The following SNTG2 variants were observed in gnomAD, a reference collection of about 807,000 sequenced individuals.
SNTG2 encodes gamma-2-syntrophin.
Under a neutral mutation model 70.9 loss-of-function variants are expected in SNTG2, and 74 were observed. The ratio of observed to expected loss-of-function variants is 1.04; its 90% CI spans 0.86 to 1.27. The LOEUF is 1.27. Among genes scored for constraint, SNTG2 ranks in the 50% most tolerant of loss-of-function variants. The probability of loss-of-function intolerance (pLI) is 0.00; values close to 1 mark genes in which losing one functional copy is unlikely to be tolerated. For synonymous variants in SNTG2, 278 were observed against 273.8 expected, an observed-to-expected ratio of 1.02 and a Z score of -0.15; for missense variants, 717 against 690.7, an observed-to-expected ratio of 1.04 and a Z score of -0.43.
At chr2:1,168,355 G>A (rs983667016) in intron 7 of SNTG2, among the ~76,000 whole-genome samples, 8 of 152,224 alleles carry the variant, frequency 5.3e-5, no homozygotes, top group Non-Finnish European at 8.8e-5. Flanking sequence ...GAGCGCCCTG[G>A]AACACACTCC....
At chr2:981,906 C>T (rs1373920834) in intron 1 of SNTG2, among the ~76,000 whole-genome samples, 2 of 152,236 alleles carry the variant, frequency 1.3e-5, no homozygotes, top group Non-Finnish European at 2.9e-5. Context: ...TGTGCACACA[C>T]ATGCCCCACA....
chr2:980,387 C>T (rs1213000212), intron 1 of SNTG2, among the ~76,000 whole-genome samples: 2 of 152,170 alleles, frequency 1.3e-5, no homozygotes, highest in African/African-American at 4.8e-5. Flanking sequence ...GATTCTGTTT[C>T]CTATGGATCT....
rs943252887 is a variant in SNTG2 at position 1,261,956 on chromosome 2, G to A, written c.1077+2515G>A. On this transcript the variant is annotated intron_variant, in intron 13 of 16. Transcript: ENST00000308624. ...CACGTGCTAGAAGCAGTGGTGTTCC[G>A]GGAGCCTGTCGCGAGTGGCCGTTAA... Among the ~76,000 whole-genome samples the A allele has an allele frequency of 3.9e-5, 6 of 152,208 alleles. No homozygotes were observed. The South Asian group carries it at 6.2e-4, about 16-fold the overall frequency.
intron 1 of SNTG2, among the ~76,000 whole-genome samples, chr2:951,449 C>G (rs1659959628): frequency 6.6e-6 from 1 of 152,134 alleles, no homozygotes; most frequent in Admixed American, 6.5e-5. Context: ...GGCGGTGGCT[C>G]GGACCGGAGC....
chr2:1,353,771 C>G lies in SNTG2; in HGVS notation c.1489-13572C>G, dbSNP rs1036866819. ...CAGTCATCTCACAGACACTTTGTGACAAATGTCCAGCAGTTTGTGCACTGA... is the reference window on the plus strand; with the variant it reads ...CAGTCATCTCACAGACACTTTGTGAGAAATGTCCAGCAGTTTGTGCACTGA... On this transcript the variant is annotated intron_variant, in intron 16 of 16. Transcript: ENST00000308624. The surrounding 1 kb of genome is among the most constrained non-coding windows in gnomAD (Gnocchi z 4.2). The G allele has an allele frequency of 3.9e-5, 6 of 152,188 alleles. No homozygotes were observed. The highest frequency in any genetic ancestry group is 1.4e-4 in the African/African-American group (6 of 41,438). The allele number at this position is 152,188 out of a possible 1,614,324, so 9.4% of individuals were successfully genotyped here. A position where few individuals can be genotyped will look rare whatever the true frequency, so the allele number is the denominator to read the frequency against.
At chr2:1,078,181 G>A (rs1664050907) in intron 1 of SNTG2, among the ~76,000 whole-genome samples, 2 of 152,168 alleles carry the variant, frequency 1.3e-5, no homozygotes, top group East Asian at 1.9e-4. Flanking sequence ...TGTGCCCCTC[G>A]GATATGCCAG....
At chr2:1,143,306 A>C (rs1225916595) in intron 6 of SNTG2, among the ~76,000 whole-genome samples, 10 of 152,150 alleles carry the variant, frequency 6.6e-5, no homozygotes, top group African/African-American at 2.4e-4. Context: ...CATTTCAGGG[A>C]AATCCTGAAG....
chr2:1,323,729 C>A (rs141667135), intron 16 of SNTG2, among the ~76,000 whole-genome samples: 1 of 148,820 alleles, frequency 6.7e-6, no homozygotes, highest in Non-Finnish European at 1.5e-5. Context: ...GCTGAGACCT[C>A]CCCCCACCCA....
At chr2:1,218,176 T>C (rs1459701612) in intron 9 of SNTG2, among the ~76,000 whole-genome samples, 1 of 152,112 alleles carries the variant, frequency 6.6e-6, no homozygotes, top group Non-Finnish European at 1.5e-5. Context: ...CTCCAATCTA[T>C]GACTTCCTTC....
intron 4 of SNTG2, among the ~76,000 whole-genome samples, chr2:1,099,832 G>A (rs2148216982): frequency 6.6e-6 from 1 of 152,362 alleles, no homozygotes; most frequent in South Asian, 2.1e-4. Flanking sequence ...GCGTTGCCAT[G>A]AAATTTGCAT....
At chr2:1,158,019 T>C (rs779143069) in intron 6 of SNTG2, among the ~76,000 whole-genome samples, 4 of 152,200 alleles carry the variant, frequency 2.6e-5, no homozygotes, top group South Asian at 4.1e-4. Context: ...CGGGGCATCC[T>C]GTAGACATGC....
intron 14 of SNTG2, among the ~76,000 whole-genome samples, chr2:1,285,309 C>T (rs1049901795): frequency 2.6e-5 from 4 of 152,146 alleles, no homozygotes; most frequent in Non-Finnish European, 5.9e-5. Flanking sequence ...CATTCAGGAT[C>T]AATATTTTGC....
intron 1 of SNTG2, among the ~76,000 whole-genome samples, chr2:1,031,947 A>G (rs1285642123): frequency 6.6e-6 from 1 of 152,170 alleles, no homozygotes; most frequent in Non-Finnish European, 1.5e-5. Flanking sequence ...AAATGTTCTA[A>G]AATTAGCAGT....
At chr2:1,355,320 G>A (rs1022765405) in intron 16 of SNTG2, among the ~76,000 whole-genome samples, 2 of 152,140 alleles carry the variant, frequency 1.3e-5, no homozygotes, top group African/African-American at 4.8e-5. Flanking sequence ...TCACATGACC[G>A]AAACTGCACC....
intron 1 of SNTG2, among the ~76,000 whole-genome samples, chr2:956,248 C>T (rs562408010): frequency 0.022 from 2,725 of 123,306 alleles, 152 homozygotes; most frequent in African/African-American, 0.084. Context: ...TGCCCCGCCC[C>T]GCCCCTGCGC....
rs1678293293 is a variant in SNTG2, at chr2:1,259,363, C to T, written c.1006-7C>T. ...GCTTTTCATGGAACGTTCTCTGTTTCTTGCAGGTGAGCACATTCGATTGGG... is the reference window on the plus strand; with the variant it reads ...GCTTTTCATGGAACGTTCTCTGTTTTTTGCAGGTGAGCACATTCGATTGGG... On this transcript the variant is annotated splice_region_variant and splice_polypyrimidine_tract_variant and intron_variant, in intron 12 of 16. Transcript: ENST00000308624. The T allele has an allele frequency of 1.2e-6, 2 of 1,613,520 alleles. No homozygotes were observed. Among genetic ancestry groups the T allele is most frequent in the Non-Finnish European group, 1.7e-6 (2 of 1,179,736 alleles).
intron 1 of SNTG2, among the ~76,000 whole-genome samples, chr2:957,586 CT>C (rs1476570331): frequency 6.6e-6 from 1 of 152,098 alleles, no homozygotes; most frequent in African/African-American, 2.4e-5. Context: ...GGGGCCCTGA[CT>C]ACCTGAGAGG....
chr2:1,089,616 C>CAGAG (rs201340131), intron 2 of SNTG2, among the ~76,000 whole-genome samples: 2,080 of 129,178 alleles, frequency 0.016, 42 homozygotes, highest in African/African-American at 0.055. Flanking sequence ...ACCTGGGTGA[C>CAGAG]AGAGCGAAAC....
At chr2:1,291,792 GT>G (rs1390204323) in intron 14 of SNTG2, among the ~76,000 whole-genome samples, 2 of 152,106 alleles carry the variant, frequency 1.3e-5, no homozygotes, top group East Asian at 3.8e-4. Context: ...TCTCCAACTT[GT>G]TTTTAAGATT....
Sources: allele counts gnomAD v4.1 joint callset (sites outside exome capture counted in the v4.1 genomes callset), GRCh38; gene constraint gnomAD v4.1.1; non-coding constraint Gnocchi (gnomAD v3.1); transcripts MANE v1.5; gene names NCBI Gene and HGNC (gene_info 2026-07-23, HGNC 2026-07-21).